Variants in EFCAB8 observed in about 807,000 individuals in gnomAD.
EFCAB8 encodes the protein EF-hand calcium-binding domain-containing protein 8.
A neutral mutation model predicts 116.3 loss-of-function variants in EFCAB8; 100 were observed. The ratio of observed to expected loss-of-function variants is 0.86; its 90% CI spans 0.73 to 1.02. The LOEUF (loss-of-function observed/expected upper bound fraction) is 1.02. Ranked by LOEUF, EFCAB8 falls within the 50% of genes least tolerant of loss-of-function variation. The pLI is 0.00. For missense variants in EFCAB8, 1,320 were observed against 1,416.9 expected (o/e 0.93, Z 1.10); for synonymous variants, 558 against 567.9 (o/e 0.98, Z 0.25).
Position 32,961,437 on chromosome 20 carries a change from A to T in EFCAB8, c.3695A>T (p.Gln1232Leu). The T allele has an allele frequency of 4.8e-6, 7 of 1,456,846 alleles. No homozygotes were observed. Among genetic ancestry groups the T allele is most frequent in the Non-Finnish European group, 6.3e-6 (7 of 1,102,736 alleles). 90.2% of individuals were successfully genotyped at this position (1,456,846 alleles called of 1,614,324 possible). ...CAGTTCTCCTTCTTGCTGCGGCCCC[A>T]GTCAGCCTCCACAGCCCATTCCACC... ...TPQFSFLLRP[Q>L]SASTAHSTPS... The change falls in exon 27 of 27, where the codon CAG becomes CTG. Residue 1232 changes from glutamine to leucine, a missense_variant. Gln to Leu is a moderately radical substitution (Grantham distance 113). Coordinates refer to ENST00000400522, the MANE Select transcript of EFCAB8 (RefSeq NM_001143967.2).
chr20:32,865,095 T>G (rs1984322503), intron 2 of EFCAB8, among the ~76,000 whole-genome samples: 1 of 152,192 alleles, frequency 6.6e-6, no homozygotes, highest in Non-Finnish European at 1.5e-5. Flanking sequence ...AGCCGTGTGC[T>G]TCCCCTCATG....
intron 17 of EFCAB8, among the ~76,000 whole-genome samples, chr20:32,916,292 C>G (rs1987182001): frequency 6.6e-6 from 1 of 151,708 alleles, no homozygotes; most frequent in Non-Finnish European, 1.5e-5. Context: ...GGATCTTGCT[C>G]TATTGCCTAG....
intron 3 of EFCAB8, among the ~76,000 whole-genome samples, chr20:32,872,762 C>G (rs1227498077): frequency 1.3e-5 from 2 of 151,686 alleles, no homozygotes; most frequent in Non-Finnish European, 2.9e-5. Context: ...CCACCACACT[C>G]CAGCCTGGGC....
chr20:32,950,526 T>C (rs1301593082), intron 23 of EFCAB8, among the ~76,000 whole-genome samples: 1 of 152,172 alleles, frequency 6.6e-6, no homozygotes, highest in Non-Finnish European at 1.5e-5. Flanking sequence ...TCTTACAGAC[T>C]AAGAGTTTTT....
chr20:32,904,671 G>C (rs1986595317), intron 11 of EFCAB8, among the ~76,000 whole-genome samples: 1 of 150,304 alleles, frequency 6.7e-6, no homozygotes, highest in Non-Finnish European at 1.5e-5. Context: ...TGTCACCCAG[G>C]CTGGGAGTGC....
chr20:32,938,642 A>C (rs890803430), intron 22 of EFCAB8, among the ~76,000 whole-genome samples: 1 of 149,974 alleles, frequency 6.7e-6, no homozygotes, highest in Admixed American at 6.6e-5. Context: ...ACTAGCAATA[A>C]ACAATCTGAA....
chr20:32,949,824 C>A (rs1988741562), intron 23 of EFCAB8, among the ~76,000 whole-genome samples: 1 of 152,206 alleles, frequency 6.6e-6, no homozygotes, highest in Non-Finnish European at 1.5e-5. Flanking sequence ...CATGGCAAAA[C>A]CCCATCTCTG....
intron 1 of EFCAB8, among the ~76,000 whole-genome samples, chr20:32,861,279 C>T (rs1488434880): frequency 6.6e-6 from 1 of 152,106 alleles, no homozygotes; most frequent in Admixed American, 6.5e-5. Flanking sequence ...ACCCACTCCA[C>T]TGAAACACAT....
At chr20:32,915,728 G>C (rs1472865024) in intron 17 of EFCAB8, among the ~76,000 whole-genome samples, 1 of 150,538 alleles carries the variant, frequency 6.6e-6, no homozygotes, top group African/African-American at 2.5e-5. Context: ...CTGGAGTGCA[G>C]TGGTGCAGTC....
intron 14 of EFCAB8, 65 bp downstream of exon 14, chr20:32,908,477 A>G: frequency 8.0e-7 from 1 of 1,245,084 alleles, no homozygotes; most frequent in Non-Finnish European, 1.0e-6. Flanking sequence ...TCTGAATCCC[A>G]TGGGACACCC....
intron 23 of EFCAB8, among the ~76,000 whole-genome samples, chr20:32,952,050 A>G (rs1331961762): frequency 6.6e-6 from 1 of 152,180 alleles, no homozygotes; most frequent in Non-Finnish European, 1.5e-5. Flanking sequence ...GCTTGAGCTC[A>G]GGAGTTTGAG....
intron 11 of EFCAB8, among the ~76,000 whole-genome samples, chr20:32,899,432 T>C (rs2146223730): frequency 6.7e-6 from 1 of 149,820 alleles, no homozygotes; most frequent in East Asian, 2.0e-4. Flanking sequence ...GAAAAACCAA[T>C]TAATCACACA....
chr20:32,933,395 G>T (rs968308999), intron 22 of EFCAB8, among the ~76,000 whole-genome samples: 3 of 152,060 alleles, frequency 2.0e-5, no homozygotes, highest in African/African-American at 7.2e-5. Context: ...GTGCTGTTTT[G>T]ATCTATGTAC....
chr20:32,871,397 C>T (rs578001086), intron 3 of EFCAB8, among the ~76,000 whole-genome samples: 1 of 152,112 alleles, frequency 6.6e-6, no homozygotes, highest in Admixed American at 6.5e-5. Flanking sequence ...ACTCAGCCTC[C>T]AGAGTAGCTA....
chr20:32,915,049 C>A (rs1383111054), intron 17 of EFCAB8, among the ~76,000 whole-genome samples: 1 of 152,122 alleles, frequency 6.6e-6, no homozygotes, highest in Non-Finnish European at 1.5e-5. Flanking sequence ...AGGCACATGC[C>A]ACCATGCCTT....
At position 32,905,759 on chromosome 20, in the gene EFCAB8, C is replaced by CA. The variant is rs571052063; in HGVS notation, c.1089-789dup. Among the ~76,000 whole-genome samples the CA allele has an allele frequency of 9.5e-4, 68 of 71,488 alleles. 2 individuals are homozygous for CA. The highest frequency in any genetic ancestry group is 3.5e-3 in the East Asian group (12 of 3,408). 46.9% of individuals were successfully genotyped at this position (71,488 alleles called of 152,430 possible). ...TGGGCGACAGAGTGAGACTCCATCTCAAAAAAAAAAAAAAGGACATTCCTT... is the reference window on the plus strand; with the variant it reads ...TGGGCGACAGAGTGAGACTCCATCTCAAAAAAAAAAAAAAAGGACATTCCTT... On this transcript the variant is annotated intron_variant, in intron 11 of 26. Coordinates refer to ENST00000400522, the MANE Select transcript of EFCAB8 (RefSeq NM_001143967.2).
rs754022404 is a variant in EFCAB8, at chr20:32,935,188, C to CTTTTTTTTTTTTTTTTTTTTTTTTTT, written c.2790+3855_2790+3856insTTTTTTTTTTTTTTTTTTTTTTTTTT. On this transcript the variant is annotated intron_variant, in intron 22 of 26. Transcript: ENST00000400522. ...TCTCTTCTCTTTTCTTTCTTTCTTT[C>CTTTTTTTTTTTTTTTTTTTTTTTTTT]TTTCTTTTTTTTTTTTTTTTTTTTT... 5.2e-4 allele frequency among the ~76,000 whole-genome samples: 35 copies of CTTTTTTTTTTTTTTTTTTTTTTTTTT among 66,906 alleles called. 1 individual carries two copies. The highest frequency in any genetic ancestry group is 6.7e-4 in the Non-Finnish European group (25 of 37,384). The allele number at this position is 66,906 out of a possible 152,430, so 43.9% of individuals were successfully genotyped here.
In EFCAB8 at chr20:32,864,627, C is replaced by T. The variant is rs151261025; in HGVS notation, c.42+793C>T. Among the ~76,000 whole-genome samples the T allele has an allele frequency of 5.6e-3, 853 of 152,140 alleles. 9 individuals carry two copies. Among genetic ancestry groups the T allele is most frequent in the African/African-American group, 0.02 (815 of 41,510 alleles). On this transcript the variant is annotated intron_variant, in intron 2 of 26. Transcript: ENST00000400522. ...CTACATGAGTCAAATGCAACACACC[C>T]GAGCCCCCTGATGTACGGTCTGTAC...
intron 26 of EFCAB8, among the ~76,000 whole-genome samples, chr20:32,960,442 A>G (rs1400225520): frequency 1.3e-5 from 2 of 152,204 alleles, no homozygotes; most frequent in Admixed American, 6.5e-5. Flanking sequence ...ACTCCTGTCT[A>G]TAGCCTCCAA....
Sources: allele counts gnomAD v4.1 joint callset (sites outside exome capture counted in the v4.1 genomes callset), GRCh38; gene constraint gnomAD v4.1.1; transcripts MANE v1.5; gene names NCBI Gene and HGNC (gene_info 2026-07-23, HGNC 2026-07-21).